Variants in CCSER1 observed in about 807,000 individuals in gnomAD.
The protein encoded by CCSER1 is coiled-coil serine rich protein 1.
CCSER1 carries 41 observed loss-of-function variants against 82.0 expected under a neutral mutation model. The ratio of observed to expected loss-of-function variants is 0.50; its 90% CI spans 0.39 to 0.65. CCSER1 has a LOEUF of 0.65. Ranked by LOEUF, CCSER1 falls within the 30% of genes least tolerant of loss-of-function variation. CCSER1 has a pLI of 0.00. For synonymous variants in CCSER1, 414 were observed against 383.9 expected, an observed-to-expected ratio of 1.08 and a Z score of -0.92; for missense variants, 1,119 against 1,064.2, an observed-to-expected ratio of 1.05 and a Z score of -0.72.
intron 10 of CCSER1, among the ~76,000 whole-genome samples, chr4:91,365,667 A>G (rs1485308018): frequency 6.6e-6 from 1 of 152,154 alleles, no homozygotes; most frequent in African/African-American, 2.4e-5. Context: ...TTTTTTCCTT[A>G]TTTAATTCAT....
chr4:90,924,102 C>G (rs1453764251), intron 9 of CCSER1, among the ~76,000 whole-genome samples: 2 of 152,076 alleles, frequency 1.3e-5, no homozygotes, highest in Non-Finnish European at 2.9e-5. Flanking sequence ...TGCCTAAGTT[C>G]ATGACTTTCA....
At chr4:91,115,561 G>A (rs542295101) in intron 10 of CCSER1, among the ~76,000 whole-genome samples, 3 of 149,254 alleles carry the variant, frequency 2.0e-5, no homozygotes, top group Admixed American at 6.8e-5. Flanking sequence ...TCCTGACCTC[G>A]TGATCTGCCC....
intron 9 of CCSER1, among the ~76,000 whole-genome samples, chr4:90,945,443 A>G (rs1281984537): frequency 6.6e-6 from 1 of 152,150 alleles, no homozygotes; most frequent in Non-Finnish European, 1.5e-5. Context: ...CCTTTCTCAA[A>G]ATACTTCAGA....
intron 1 of CCSER1, among the ~76,000 whole-genome samples, chr4:90,299,724 A>G (rs1732727872): frequency 6.6e-6 from 1 of 152,120 alleles, no homozygotes; most frequent in Non-Finnish European, 1.5e-5. Flanking sequence ...AAACTGAAAA[A>G]GTGTTGAGAT....
intron 3 of CCSER1, among the ~76,000 whole-genome samples, chr4:90,394,480 G>T (rs963442341): frequency 6.6e-6 from 1 of 152,068 alleles, no homozygotes; most frequent in African/African-American, 2.4e-5. Context: ...TCATAACATT[G>T]TGTTTGGTTT....
At chr4:91,081,725 C>T (rs1421402968) in intron 9 of CCSER1, among the ~76,000 whole-genome samples, 1 of 152,162 alleles carries the variant, frequency 6.6e-6, no homozygotes, top group Non-Finnish European at 1.5e-5. Context: ...TCTCAGGATA[C>T]AAAATCAATG....
chr4:91,117,879 C>A (rs1190523778), intron 10 of CCSER1, among the ~76,000 whole-genome samples: 2 of 152,132 alleles, frequency 1.3e-5, no homozygotes, highest in African/African-American at 2.4e-5. Context: ...TTATCCCTTA[C>A]TTTAATCATC....
chr4:91,505,661 A>C (rs1759445437), intron 10 of CCSER1, among the ~76,000 whole-genome samples: 1 of 152,170 alleles, frequency 6.6e-6, no homozygotes, highest in African/African-American at 2.4e-5. Context: ...ATGATATCTC[A>C]TTCTCGTTTT....
At chr4:90,806,610 G>A (rs1757545391) in intron 7 of CCSER1, among the ~76,000 whole-genome samples, 1 of 152,046 alleles carries the variant, frequency 6.6e-6, no homozygotes, top group African/African-American at 2.4e-5. Context: ...TTTTTCAAGG[G>A]TCAGCCTCAG....
intron 1 of CCSER1, among the ~76,000 whole-genome samples, chr4:90,157,836 G>A (rs934025392): frequency 2.1e-4 from 32 of 152,082 alleles, no homozygotes; most frequent in Admixed American, 9.2e-4. Context: ...CCTGTAGCTC[G>A]GAGTAGTTTG....
intron 7 of CCSER1, among the ~76,000 whole-genome samples, chr4:90,735,755 G>T (rs1580219075): frequency 6.6e-6 from 1 of 151,766 alleles, no homozygotes; most frequent in Non-Finnish European, 1.5e-5. Flanking sequence ...TACTAATTTT[G>T]GTTTTGATTG....
chr4:91,346,037 T>A (rs548540732), intron 10 of CCSER1, among the ~76,000 whole-genome samples: 1 of 152,118 alleles, frequency 6.6e-6, no homozygotes, highest in East Asian at 1.9e-4. Flanking sequence ...ACAGCTCTTT[T>A]TTTTTTTAAG....
At chr4:91,416,419 C>T (rs1047741017) in intron 10 of CCSER1, among the ~76,000 whole-genome samples, 1 of 151,768 alleles carries the variant, frequency 6.6e-6, no homozygotes, top group Non-Finnish European at 1.5e-5. Context: ...GCAAAAAGAA[C>T]AAAACTGGAG....
chr4:90,316,147 C>T (rs1163590460), intron 3 of CCSER1, among the ~76,000 whole-genome samples: 1 of 152,158 alleles, frequency 6.6e-6, no homozygotes, highest in Non-Finnish European at 1.5e-5. Flanking sequence ...CACAACAGTA[C>T]TATCAACTAA....
At chr4:90,552,294 TC>T (rs895055602) in intron 5 of CCSER1, among the ~76,000 whole-genome samples, 13 of 152,182 alleles carry the variant, frequency 8.5e-5, no homozygotes, top group African/African-American at 3.1e-4. Flanking sequence ...TTGATGATTT[TC>T]TTTTTTATGG....
intron 1 of CCSER1, among the ~76,000 whole-genome samples, chr4:90,230,940 A>G (rs181269247): frequency 1.3e-5 from 2 of 152,296 alleles, no homozygotes; most frequent in Non-Finnish European, 2.9e-5. Flanking sequence ...TGAATCTCTG[A>G]ATAGACCAAT....
At chr4:90,238,303 G>A (rs1418116774) in intron 1 of CCSER1, among the ~76,000 whole-genome samples, 5 of 152,078 alleles carry the variant, frequency 3.3e-5, no homozygotes, top group African/African-American at 9.7e-5. Context: ...CTGGGGTTCT[G>A]TTAATCATTG....
chr4:91,393,794 A>G (rs1040167221), intron 10 of CCSER1, among the ~76,000 whole-genome samples: 1 of 152,076 alleles, frequency 6.6e-6, no homozygotes, highest in African/African-American at 2.4e-5. Flanking sequence ...CCCTAAAGGG[A>G]AGTATGCTTT....
intron 8 of CCSER1, among the ~76,000 whole-genome samples, chr4:90,857,689 A>T (rs1296807316): frequency 1.3e-5 from 2 of 152,082 alleles, no homozygotes; most frequent in Non-Finnish European, 2.9e-5. Flanking sequence ...ACCATGGAAT[A>T]TATATTTTTC....
Sources: allele counts gnomAD v4.1 joint callset (sites outside exome capture counted in the v4.1 genomes callset), GRCh38; gene constraint gnomAD v4.1.1; transcripts MANE v1.5; gene names NCBI Gene and HGNC (gene_info 2026-07-23, HGNC 2026-07-21).